The following LMF1 variants were observed in gnomAD, a reference collection of about 807,000 sequenced individuals.
The protein encoded by LMF1 is transmembrane protein 112.
A neutral mutation model predicts 60.6 loss-of-function variants in LMF1; 68 were observed. The observed-to-expected ratio is 1.12, with a 90% CI of 0.92 to 1.37. The LOEUF is 1.37. LMF1 is among the 40% of genes most tolerant of loss of function. The pLI is 0.00. For missense variants in LMF1, 948 were observed against 767.2 expected (o/e 1.24, Z -2.78); for synonymous variants, 418 against 324.7 (o/e 1.29, Z -3.09).
chr16:874,588 T>C lies in LMF1; in HGVS notation c.898-3247A>G, dbSNP rs1469438755. 2.0e-5 allele frequency among the ~76,000 whole-genome samples: 3 copies of C among 152,026 alleles called. No homozygotes were observed. Among genetic ancestry groups the C allele is most frequent in the Admixed American group, 6.5e-5 (1 of 15,276 alleles). ...GCGGCCCCAGGGCCCCGCGGAACCC[T>C]CCGGAACAGCTGTGTAAACTGCGTG... On this transcript the variant is annotated intron_variant, in intron 6 of 10. Coordinates refer to ENST00000262301, the MANE Select transcript of LMF1 (RefSeq NM_022773.4). This position sits in a 1 kb window ranked among gnomAD's most constrained non-coding sequence, Gnocchi z 4.1.
At chr16:972,199 C>T (rs1336273475), upstream of LMF1, among the ~76,000 whole-genome samples, 6 of 152,120 alleles carry the variant, frequency 3.9e-5, no homozygotes, top group African/African-American at 7.2e-5. Flanking sequence ...TTGCTGGGGC[C>T]GTAGCATACG....
chr16:882,512 G>A (rs368471369), intron 5 of LMF1, among the ~76,000 whole-genome samples: 1 of 152,254 alleles, frequency 6.6e-6, no homozygotes, highest in East Asian at 1.9e-4. Context: ...TACAAGTGAA[G>A]CCTTCCTGGA....
chr16:972,085 T>C (rs551503813), upstream of LMF1, among the ~76,000 whole-genome samples: 13 of 152,298 alleles, frequency 8.5e-5, no homozygotes, highest in Non-Finnish European at 1.6e-4. Context: ...CCACCTGCAG[T>C]GTGAGCCTTG....
chr16:882,981 G>A (rs2070207287), intron 5 of LMF1, among the ~76,000 whole-genome samples: 1 of 132,170 alleles, frequency 7.6e-6, no homozygotes, highest in Non-Finnish European at 1.6e-5. Flanking sequence ...CTCAGCAGAA[G>A]AGCTGCCCGG....
chr16:935,068 G>A (rs1027804599), intron 2 of LMF1, among the ~76,000 whole-genome samples: 2 of 152,200 alleles, frequency 1.3e-5, no homozygotes, highest in African/African-American at 4.8e-5. Context: ...ACAGACACAG[G>A]AGGTAGATTG....
At chr16:856,324 C>G (rs1401669326) in intron 10 of LMF1, among the ~76,000 whole-genome samples, 1 of 152,146 alleles carries the variant, frequency 6.6e-6, no homozygotes, top group African/African-American at 2.4e-5. Context: ...CACTGGACCC[C>G]GAGGTCGACC....
At position 978,133 on chromosome 16, in the gene LMF1, CCA is replaced by C. The variant is rs1176753996; in HGVS notation, c.-135+3010_-135+3011del. ...CACCACACACCATACACACACCACA[CCA>C]CACACATACATCATACACACACACA... On this transcript the variant is annotated intron_variant, in intron 1 of 6. Transcript: ENST00000570014. Among the ~76,000 whole-genome samples, 5 of 147,644 alleles carry C rather than the reference CCA, an allele frequency of 3.4e-5. 1 individual carries two copies. The highest frequency in any genetic ancestry group is 5.1e-5 in the African/African-American group (2 of 39,120).
intron 2 of LMF1, among the ~76,000 whole-genome samples, chr16:940,461 C>T (rs774857374): frequency 3.3e-5 from 5 of 152,178 alleles, no homozygotes; most frequent in South Asian, 2.1e-4. Context: ...CCGCAGGCAG[C>T]GTCCTGCCTG....
chr16:928,276 G>A (rs867084721), intron 3 of LMF1, among the ~76,000 whole-genome samples: 3 of 152,186 alleles, frequency 2.0e-5, no homozygotes, highest in Non-Finnish European at 2.9e-5. Flanking sequence ...GTGTGTTGGC[G>A]CTGACACCTG....
At chr16:977,444 C>G (rs978629434) in intron 1 of LMF1, among the ~76,000 whole-genome samples, 1 of 152,218 alleles carries the variant, frequency 6.6e-6, no homozygotes, top group Non-Finnish European at 1.5e-5. Context: ...AGCCTGTAGT[C>G]ACTCTGTCTC....
chr16:898,483 C>T (rs1224221823), intron 4 of LMF1, among the ~76,000 whole-genome samples: 1 of 152,258 alleles, frequency 6.6e-6, no homozygotes. Flanking sequence ...GCTCCTTCCC[C>T]CGGCTCTGGG....
intron 5 of LMF1, among the ~76,000 whole-genome samples, chr16:885,583 C>G (rs1035636380): frequency 6.6e-6 from 1 of 152,214 alleles, no homozygotes; most frequent in Non-Finnish European, 1.5e-5. Context: ...GAAGGCTGGA[C>G]TGGCCACCGT....
chr16:948,063 A>G (rs1409488615), intron 2 of LMF1, among the ~76,000 whole-genome samples: 1 of 115,348 alleles, frequency 8.7e-6, no homozygotes, highest in Non-Finnish European at 1.7e-5. Context: ...GAGTCAGCCA[A>G]CGACAGACTT....
chr16:871,520 A>C (rs1376847808), intron 6 of LMF1, 179 bp from the exon 7 acceptor site: 7 of 632,086 alleles, frequency 1.1e-5, no homozygotes, highest in Non-Finnish European at 1.9e-5. Flanking sequence ...AGGGGACAGC[A>C]GATGCCTCAG....
chr16:897,192 C>A lies in LMF1; in HGVS notation c.664-4120G>T, dbSNP rs1379214601. On this transcript the variant is annotated intron_variant, in intron 4 of 10. Transcript: ENST00000262301. The surrounding 1 kb of genome is among the most constrained non-coding windows in gnomAD (Gnocchi z 4.3). ...TGCCTGTGTGTCCTGGGACACACTT[C>A]CCCAAATCTGCCATCTGGAAACTCG... Among the ~76,000 whole-genome samples, 1 of 152,208 alleles carries A rather than the reference C, an allele frequency of 6.6e-6. No homozygotes were observed. Among genetic ancestry groups the A allele is most frequent in the Non-Finnish European group, 1.5e-5 (1 of 68,042 alleles).
intron 1 of LMF1, among the ~76,000 whole-genome samples, chr16:955,313 C>T (rs1187849552): frequency 7.3e-6 from 1 of 137,858 alleles, no homozygotes. Context: ...GCAGCAGACG[C>T]GGTGTGTGCA....
intron 10 of LMF1, among the ~76,000 whole-genome samples, chr16:857,554 ACGGGACGGGTGTGAGTGGTGTCT>A (rs2069235452): frequency 5.0e-4 from 16 of 32,188 alleles, no homozygotes; most frequent in South Asian, 2.8e-3. Flanking sequence ...GAGTGGTGTC[ACGGGACGGGTGTGAGTGGTGTCT>A]CGGGACGGGT....
intron 1 of LMF1, among the ~76,000 whole-genome samples, chr16:956,426 T>TA (rs755200746): frequency 6.6e-6 from 1 of 152,174 alleles, no homozygotes; most frequent in Non-Finnish European, 1.5e-5. Context: ...GTAAAAAAGA[T>TA]ACACCATTCA....
At chr16:958,524 G>A (rs1228611026) in intron 1 of LMF1, among the ~76,000 whole-genome samples, 3 of 152,204 alleles carry the variant, frequency 2.0e-5, no homozygotes, top group Admixed American at 6.5e-5. Flanking sequence ...TCATCACTGC[G>A]GAAATGCCCA....
Sources: gnomAD v4.1 joint callset for allele counts (sites outside exome capture counted in the v4.1 genomes callset) on GRCh38, gnomAD v4.1.1 for gene constraint, Gnocchi (gnomAD v3.1) non-coding constraint, MANE v1.5 for transcripts, NCBI Gene and HGNC (gene_info 2026-07-23, HGNC 2026-07-21) for gene names.